The following ENPP1 variants were observed in gnomAD, a reference collection of about 807,000 sequenced individuals.
ENPP1 encodes ectonucleotide pyrophosphatase/phosphodiesterase 1.
Under a neutral mutation model 122.8 loss-of-function variants are expected in ENPP1, and 73 were observed. That is an observed-to-expected ratio of 0.59 (90% CI 0.49 to 0.72). The LOEUF is 0.72. Ranked by LOEUF, ENPP1 falls within the 30% of genes least tolerant of loss-of-function variation. The pLI is 0.00. For missense variants in ENPP1, 978 were observed against 1,128.1 expected, an observed-to-expected ratio of 0.87 and a Z score of 1.91; for synonymous variants, 367 against 391.6, an observed-to-expected ratio of 0.94 and a Z score of 0.74.
intron 11 of ENPP1, among the ~76,000 whole-genome samples, chr6:131,865,740 TC>T (rs1199078808): frequency 6.6e-6 from 1 of 152,196 alleles, no homozygotes; most frequent in Non-Finnish European, 1.5e-5. Context: ...ACGCCTGTAA[TC>T]CCAGCACTTT....
chr6:131,872,196 AT>A, intron 14 of ENPP1, 95 bp downstream of exon 14: 1 of 878,382 alleles, frequency 1.1e-6, no homozygotes, highest in Non-Finnish European at 1.9e-6. Context: ...GGATTGAAGG[AT>A]TAGAATATTT....
At chr6:131,833,294 AT>A (rs926130305) in intron 1 of ENPP1, among the ~76,000 whole-genome samples, 2 of 151,574 alleles carry the variant, frequency 1.3e-5, no homozygotes, top group East Asian at 1.9e-4. Context: ...TAGTTCTTTG[AT>A]TTTTTTTAAT....
intron 1 of ENPP1, among the ~76,000 whole-genome samples, chr6:131,815,512 T>C (rs1781402522): frequency 2.6e-5 from 4 of 152,230 alleles, no homozygotes; most frequent in African/African-American, 9.6e-5. Flanking sequence ...AGCACTTTGC[T>C]AATTTCTATT....
chr6:131,823,393 A>G (rs1467674939), intron 1 of ENPP1, among the ~76,000 whole-genome samples: 1 of 152,122 alleles, frequency 6.6e-6, no homozygotes, highest in Non-Finnish European at 1.5e-5. Context: ...AGGAGATTGT[A>G]GGGCTCAGAT....
intron 8 of ENPP1, among the ~76,000 whole-genome samples, chr6:131,861,061 T>C (rs1333393204): frequency 6.6e-6 from 1 of 152,148 alleles, no homozygotes; most frequent in Non-Finnish European, 1.5e-5. Context: ...AGCATAATAG[T>C]TAGTTTGCAG....
chr6:131,827,323 C>G, intron 1 of ENPP1: 1 of 1,325,086 alleles, frequency 7.5e-7, no homozygotes, highest in Non-Finnish European at 1.1e-6. Context: ...AGGATGAAGG[C>G]AAAGTCATTC....
chr6:131,854,784 CTTTG>C (rs1358745262), intron 5 of ENPP1, 138 bp from the exon 6 acceptor site: 1 of 681,014 alleles, frequency 1.5e-6, no homozygotes, highest in Non-Finnish European at 2.7e-6. Flanking sequence ...TGCTTGCCGA[CTTTG>C]TTAGTTAGTT....
chr6:131,858,965 A>G (rs1438813758), intron 7 of ENPP1, among the ~76,000 whole-genome samples: 1 of 152,196 alleles, frequency 6.6e-6, no homozygotes, highest in Non-Finnish European at 1.5e-5. Flanking sequence ...ATCTGTGAAA[A>G]GAGATGACTC....
chr6:131,864,822 C>T (rs374530691), intron 10 of ENPP1, 44 bp from the exon 11 acceptor site: 2 of 1,261,226 alleles, frequency 1.6e-6, no homozygotes, highest in Non-Finnish European at 2.3e-6. Flanking sequence ...TTCTGTTTTT[C>T]AATGTGTTCG....
chr6:131,811,833 T>C (rs1781358531), intron 1 of ENPP1, among the ~76,000 whole-genome samples: 1 of 152,202 alleles, frequency 6.6e-6, no homozygotes, highest in Non-Finnish European at 1.5e-5. Flanking sequence ...TTTCCTCCTT[T>C]TAATAAAAAT....
intron 1 of ENPP1, among the ~76,000 whole-genome samples, chr6:131,829,395 T>A (rs1781583771): frequency 6.6e-6 from 1 of 152,202 alleles, no homozygotes; most frequent in African/African-American, 2.4e-5. Flanking sequence ...TGAAGAAAGA[T>A]CTAATTAAAA....
At chr6:131,840,808 T>C (rs894444176) in intron 1 of ENPP1, among the ~76,000 whole-genome samples, 2 of 152,190 alleles carry the variant, frequency 1.3e-5, no homozygotes, top group Admixed American at 6.5e-5. Flanking sequence ...TGTTCAATGC[T>C]GAATAATGAA....
rs545840805 is a variant in ENPP1 at position 131,808,384 on chromosome 6, A to G, written c.240+109A>G. On this transcript the variant is annotated intron_variant, in intron 1 of 24. Transcript: ENST00000647893. The stretch of plus-strand genomic sequence containing the variant: ...TCAGCACCGGGCACCGGAGAGAGGC[A>G]TGGTCCGGGAGTGCTTCTTCGCCCG... The G allele has an allele frequency of 3.8e-6, 5 of 1,319,440 alleles. No homozygotes were observed. The African/African-American group carries it at 4.6e-5, about 12-fold the overall frequency. The allele number at this position is 1,319,440 out of a possible 1,614,324, so 81.7% of individuals were successfully genotyped here.
chr6:131,824,685 A>C (rs528112257), intron 1 of ENPP1, among the ~76,000 whole-genome samples: 1 of 152,114 alleles, frequency 6.6e-6, no homozygotes, highest in Non-Finnish European at 1.5e-5. Context: ...CAAACTCCAG[A>C]CCTCATGATT....
intron 16 of ENPP1, 39 bp from the exon 17 acceptor site, chr6:131,875,737 C>T (rs191688216): frequency 6.5e-7 from 1 of 1,529,374 alleles, no homozygotes; most frequent in Admixed American, 1.7e-5. Flanking sequence ...TTGTAGACAG[C>T]TGAAATGCAC....
At chr6:131,886,492 T>C in intron 23 of ENPP1, 70 bp from the exon 24 acceptor site, 1 of 1,140,514 alleles carries the variant, frequency 8.8e-7, no homozygotes, top group Non-Finnish European at 1.3e-6. Context: ...AAAAGCATGC[T>C]CTACTGAAAT....
At chr6:131,820,092 CT>C in intron 1 of ENPP1, 1 of 473,534 alleles carries the variant, frequency 2.1e-6, no homozygotes, top group Non-Finnish European at 4.0e-6. Context: ...TGTAAACCAT[CT>C]TGCCCCCCTT....
At chr6:131,871,640 T>G (rs934076437) in intron 13 of ENPP1, among the ~76,000 whole-genome samples, 11 of 152,202 alleles carry the variant, frequency 7.2e-5, no homozygotes, top group African/African-American at 2.7e-4. Context: ...CAAAACAGCC[T>G]TACAAAACAC....
rs565425758 is a variant in ENPP1 at position 131,826,389 on chromosome 6, A to G, written c.240+18114A>G. 3 of 988,998 alleles carry G rather than the reference A, an allele frequency of 3.0e-6. No individual in the cohort carries two copies. In the East Asian group the frequency reaches 7.1e-5, roughly 24 times the overall value. The allele number at this position is 988,998 out of a possible 1,614,324, so 61.3% of individuals were successfully genotyped here. A position where few individuals can be genotyped will look rare whatever the true frequency, so the allele number is the denominator to read the frequency against. On this transcript the variant is annotated intron_variant, in intron 1 of 24. Coordinates refer to ENST00000647893, the MANE Select transcript of ENPP1 (RefSeq NM_006208.3). ...GGAAAAGCTGCTAGGGCAGATTCTCAATATTAATAGGACCCCAAAAGAGCT... is the reference window on the plus strand; with the variant it reads ...GGAAAAGCTGCTAGGGCAGATTCTCGATATTAATAGGACCCCAAAAGAGCT...
Sources: allele counts gnomAD v4.1 joint callset (sites outside exome capture counted in the v4.1 genomes callset), GRCh38; gene constraint gnomAD v4.1.1; transcripts MANE v1.5; gene names NCBI Gene and HGNC (gene_info 2026-07-23, HGNC 2026-07-21).